Variants in PCDH15 observed in about 807,000 individuals in gnomAD.
The protein encoded by PCDH15 is protocadherin related 15.
A neutral mutation model predicts 178.5 loss-of-function variants in PCDH15; 129 were observed. The ratio of observed to expected loss-of-function variants is 0.72; its 90% CI spans 0.63 to 0.84. The LOEUF is 0.84. Among genes scored for constraint, PCDH15 ranks in the 40% least tolerant of loss-of-function variants. The probability of loss-of-function intolerance (pLI) is 0.00; values close to 1 mark genes in which losing one functional copy is unlikely to be tolerated. For synonymous variants in PCDH15, 800 were observed against 732.0 expected (o/e 1.09, Z -1.50); for missense variants, 2,230 against 2,099.9 (o/e 1.06, Z -1.21).
intron 1 of PCDH15, among the ~76,000 whole-genome samples, chr10:54,692,896 A>AAAC (rs1200152191): frequency 6.6e-5 from 10 of 152,242 alleles, no homozygotes; most frequent in Admixed American, 1.3e-4. Context: ...ATGTATTCTA[A>AAAC]AACAACAACA....
In PCDH15 at chr10:55,112,065, A is replaced by C. The variant is rs114284923; in HGVS notation, c.-80+54511T>G. On this transcript the variant is annotated intron_variant, in intron 2 of 5. Transcript: ENST00000458638. ...TTTTTTAGATTTACAGAATAATGCA[A>C]TGAGAGTACTGAGATTTACTGTGTT... Among the ~76,000 whole-genome samples the C allele has an allele frequency of 8.2e-3, 1,249 of 152,232 alleles. 17 individuals are homozygous for C. Among genetic ancestry groups the C allele is most frequent in the African/African-American group, 0.02 (836 of 41,534 alleles).
intron 1 of PCDH15, among the ~76,000 whole-genome samples, chr10:55,225,653 G>C (rs1841013322): frequency 6.8e-6 from 1 of 148,018 alleles, no homozygotes; most frequent in Non-Finnish European, 1.5e-5. Flanking sequence ...GTGTGTGTGA[G>C]AGAGAGAGAG....
chr10:54,723,849 A>G, intron 1 of PCDH15, among the ~76,000 whole-genome samples: 1 of 151,810 alleles, frequency 6.6e-6, no homozygotes, highest in East Asian at 1.9e-4. Flanking sequence ...ATATAATCTC[A>G]CCCAGTCAGA....
At chr10:54,732,727 A>G (rs891961759) in intron 1 of PCDH15, among the ~76,000 whole-genome samples, 11 of 151,584 alleles carry the variant, frequency 7.3e-5, no homozygotes, top group African/African-American at 2.7e-4. Flanking sequence ...AGACAAAAAC[A>G]TGATCAAGTA....
intron 1 of PCDH15, among the ~76,000 whole-genome samples, chr10:54,718,696 T>C (rs1566027524): frequency 7.1e-6 from 1 of 140,722 alleles, no homozygotes; most frequent in African/African-American, 2.7e-5. Context: ...TTTTTTTTTT[T>C]TTTTTTTTCT....
At chr10:54,342,316 C>T (rs1443374049) in intron 6 of PCDH15, among the ~76,000 whole-genome samples, 1 of 152,204 alleles carries the variant, frequency 6.6e-6, no homozygotes, top group Non-Finnish European at 1.5e-5. Context: ...TCCTATGTCC[C>T]TGCCACTCTA....
At chr10:54,266,392 A>G (rs1368224249) in intron 8 of PCDH15, among the ~76,000 whole-genome samples, 2 of 151,918 alleles carry the variant, frequency 1.3e-5, no homozygotes, top group African/African-American at 4.8e-5. Context: ...TTGCACCTAA[A>G]GAAATTAATA....
chr10:54,595,878 A>C (rs764560341), intron 2 of PCDH15, among the ~76,000 whole-genome samples: 2 of 152,172 alleles, frequency 1.3e-5, no homozygotes, highest in Admixed American at 6.5e-5. Context: ...GAGCTCAAAG[A>C]CTGTTTTTCT....
At chr10:54,660,430 C>T (rs1272568195) in intron 2 of PCDH15, among the ~76,000 whole-genome samples, 1 of 151,878 alleles carries the variant, frequency 6.6e-6, no homozygotes, top group Non-Finnish European at 1.5e-5. Flanking sequence ...AATTGAAATC[C>T]TGAAGAGACA....
chr10:54,333,688 A>C (rs1022404951), intron 6 of PCDH15, among the ~76,000 whole-genome samples: 1 of 152,194 alleles, frequency 6.6e-6, no homozygotes, highest in African/African-American at 2.4e-5. Flanking sequence ...AATGCACAAG[A>C]ATCATAGGCA....
intron 14 of PCDH15, among the ~76,000 whole-genome samples, chr10:54,144,852 AG>A (rs1224223183): frequency 6.6e-6 from 1 of 152,224 alleles, no homozygotes; most frequent in African/African-American, 2.4e-5. Context: ...AATTAGCAAC[AG>A]CAGATAAACT....
intron 1 of PCDH15, among the ~76,000 whole-genome samples, chr10:55,297,419 T>C (rs1843160999): frequency 6.6e-6 from 1 of 152,136 alleles, no homozygotes; most frequent in African/African-American, 2.4e-5. Context: ...TCACTGATTT[T>C]CCTTTTCTCT....
At chr10:54,835,337 G>A (rs1449227141) in intron 3 of PCDH15, among the ~76,000 whole-genome samples, 2 of 151,856 alleles carry the variant, frequency 1.3e-5, no homozygotes, top group Non-Finnish European at 2.9e-5. Flanking sequence ...TGTGTCTATC[G>A]ACTTCCTGTT....
chr10:55,273,517 T>C (rs1051150711), intron 1 of PCDH15, among the ~76,000 whole-genome samples: 3 of 151,892 alleles, frequency 2.0e-5, no homozygotes, highest in African/African-American at 4.8e-5. Flanking sequence ...ACTAGAAGGG[T>C]GTATGTGGTG....
At chr10:54,514,535 C>A (rs925425832) in intron 3 of PCDH15, among the ~76,000 whole-genome samples, 11 of 150,916 alleles carry the variant, frequency 7.3e-5, no homozygotes, top group Non-Finnish European at 2.9e-5. Context: ...GAGTAGCACA[C>A]AGTTAGTTTT....
chr10:54,562,345 C>G (rs1305003375), intron 2 of PCDH15, among the ~76,000 whole-genome samples: 2 of 151,944 alleles, frequency 1.3e-5, no homozygotes, highest in Non-Finnish European at 2.9e-5. Flanking sequence ...TCTATTGGAT[C>G]TTGAAAGGTT....
At chr10:54,828,681 C>T (rs1953172180) in intron 3 of PCDH15, among the ~76,000 whole-genome samples, 1 of 151,904 alleles carries the variant, frequency 6.6e-6, no homozygotes, top group African/African-American at 2.4e-5. Context: ...TTAAGTAGCT[C>T]CTATATGTCA....
intron 3 of PCDH15, among the ~76,000 whole-genome samples, chr10:54,807,619 G>C (rs990628674): frequency 2.7e-5 from 4 of 150,522 alleles, no homozygotes; most frequent in African/African-American, 9.7e-5. Context: ...AGATTACCAA[G>C]CTAGCCTCTT....
At chr10:54,401,689 C>T (rs1048557072) in intron 3 of PCDH15, among the ~76,000 whole-genome samples, 3 of 151,754 alleles carry the variant, frequency 2.0e-5, no homozygotes, top group African/African-American at 7.3e-5. Context: ...CTTAAGGATG[C>T]TAAAATCTCC....
Sources: allele counts gnomAD v4.1 joint callset (sites outside exome capture counted in the v4.1 genomes callset), GRCh38; gene constraint gnomAD v4.1.1; transcripts MANE v1.5; gene names NCBI Gene and HGNC (gene_info 2026-07-23, HGNC 2026-07-21).